Variants in NOL10 observed in about 807,000 individuals in gnomAD.
NOL10 encodes the protein nucleolar protein 10, also known as H_NH0074G24.1.
Under a neutral mutation model 103.5 loss-of-function variants are expected in NOL10, and 58 were observed. The ratio of observed to expected loss-of-function variants is 0.56; its 90% confidence interval spans 0.45 to 0.70. NOL10 has a LOEUF of 0.70. Among genes scored for constraint, NOL10 ranks in the 30% least tolerant of loss-of-function variants. NOL10 has a pLI of 0.00. For missense variants in NOL10, 763 were observed against 807.3 expected (o/e 0.95, Z 0.67); for synonymous variants, 287 against 282.5 (o/e 1.02, Z -0.16).
In NOL10 at chr2:10,606,518, G is replaced by C. The variant is rs1004404601; in HGVS notation, c.1153+667C>G. ...AGCTACTCGGGAGGTTGAGGTAGGA[G>C]AATGACTTTAGCCTAGGAAGCGGAG... On this transcript the variant is annotated intron_variant, in intron 14 of 20. Transcript: ENST00000381685. Among the ~76,000 whole-genome samples the C allele has an allele frequency of 4.1e-5, 6 of 146,976 alleles. No homozygotes were observed. The East Asian group carries it at 1.2e-3, about 30-fold the overall frequency.
At chr2:10,647,700 T>A (rs1679176181) in intron 12 of NOL10, among the ~76,000 whole-genome samples, 1 of 152,150 alleles carries the variant, frequency 6.6e-6, no homozygotes, top group African/African-American at 2.4e-5. Context: ...GAACCTCAGA[T>A]GAAAGTATGG....
Position 10,648,850 on chromosome 2 carries a change from G to A in NOL10, c.974-4478C>T, listed in dbSNP as rs150501625. Reference sequence around the variant, plus strand: ...TTTGAAAAGTCAACGTCATGGAGAAGAAAAGAAAAAGATGTGGGGGACTAT... The same window carrying A: ...TTTGAAAAGTCAACGTCATGGAGAAAAAAAGAAAAAGATGTGGGGGACTAT... On this transcript the variant is annotated intron_variant, in intron 12 of 20. Coordinates refer to ENST00000381685, the MANE Select transcript of NOL10 (RefSeq NM_024894.4). Among the ~76,000 whole-genome samples, 486 of 152,054 alleles carry A rather than the reference G, an allele frequency of 3.2e-3. 14 individuals are homozygous for A. Among genetic ancestry groups the A allele is most frequent in the Admixed American group, 0.023 (345 of 15,272 alleles).
chr2:10,683,043 A>G (rs1681892059), intron 2 of NOL10, among the ~76,000 whole-genome samples: 1 of 152,160 alleles, frequency 6.6e-6, no homozygotes, highest in African/African-American at 2.4e-5. Context: ...TGGGCCTTCC[A>G]AAGTGCTGGG....
At chr2:10,597,284 A>G (rs1301353246) in intron 17 of NOL10, among the ~76,000 whole-genome samples, 1 of 152,196 alleles carries the variant, frequency 6.6e-6, no homozygotes, top group East Asian at 1.9e-4. Context: ...TTGTGTTCTC[A>G]GTGGCAGCAA....
chr2:10,629,424 G>GA (rs367721511), intron 13 of NOL10, among the ~76,000 whole-genome samples: 16 of 151,208 alleles, frequency 1.1e-4, no homozygotes, highest in Middle Eastern at 3.4e-3. Flanking sequence ...TGTTTAGTGG[G>GA]AAAAAAAACA....
chr2:10,598,167 C>T (rs1447725044), intron 17 of NOL10, among the ~76,000 whole-genome samples: 1 of 152,138 alleles, frequency 6.6e-6, no homozygotes, highest in Non-Finnish European at 1.5e-5. Context: ...AACTCCACAG[C>T]GAGCTCTTTA....
chr2:10,684,894 ATG>A (rs1682044369), intron 1 of NOL10, among the ~76,000 whole-genome samples: 1 of 152,182 alleles, frequency 6.6e-6, no homozygotes, highest in Non-Finnish European at 1.5e-5. Flanking sequence ...CAATGATGCG[ATG>A]TGACTGTAGC....
At chr2:10,650,415 T>C (rs1679383842) in intron 12 of NOL10, among the ~76,000 whole-genome samples, 1 of 152,120 alleles carries the variant, frequency 6.6e-6, no homozygotes, top group Non-Finnish European at 1.5e-5. Flanking sequence ...TCCTCCTGCC[T>C]CAGGATTATA....
intron 17 of NOL10, among the ~76,000 whole-genome samples, chr2:10,590,205 C>G (rs1675323320): frequency 6.6e-6 from 1 of 152,154 alleles, no homozygotes; most frequent in South Asian, 2.1e-4. Context: ...CTCCTGGGCT[C>G]AAGTGATCCT....
intron 19 of NOL10, among the ~76,000 whole-genome samples, chr2:10,580,328 T>C (rs1330634443): frequency 6.6e-6 from 1 of 152,152 alleles, no homozygotes; most frequent in Non-Finnish European, 1.5e-5. Context: ...CAGAGGAGGA[T>C]GGCAGAATTG....
At chr2:10,578,420 G>C (rs1674586534) in intron 19 of NOL10, among the ~76,000 whole-genome samples, 1 of 152,182 alleles carries the variant, frequency 6.6e-6, no homozygotes, top group Non-Finnish European at 1.5e-5. Context: ...TTTCCTTTTA[G>C]TTTCTTACTT....
chr2:10,642,098 C>G (rs1678735117), intron 13 of NOL10, among the ~76,000 whole-genome samples: 1 of 152,186 alleles, frequency 6.6e-6, no homozygotes, highest in South Asian at 2.1e-4. Context: ...TAGGGGCAAG[C>G]TGATTTATTC....
chr2:10,686,208 C>T (rs144162036), intron 1 of NOL10, among the ~76,000 whole-genome samples: 35 of 152,058 alleles, frequency 2.3e-4, no homozygotes, highest in South Asian at 1.2e-3. Flanking sequence ...GAAAAGGAGA[C>T]GAAGTGTTGG....
intron 14 of NOL10, among the ~76,000 whole-genome samples, chr2:10,606,607 CAAAAAA>C (rs35623656): frequency 1.8e-5 from 2 of 111,802 alleles, no homozygotes; most frequent in African/African-American, 3.3e-5. Context: ...GACTCTGTCT[CAAAAAA>C]AAAAAAAAAA....
rs527392745 is a variant in NOL10 at position 10,654,934 on chromosome 2, G to C, written c.907-387C>G. 9.2e-5 allele frequency among the ~76,000 whole-genome samples: 14 copies of C among 152,296 alleles called. No homozygotes were observed. The East Asian group carries it at 2.5e-3, about 27-fold the overall frequency. On this transcript the variant is annotated intron_variant, in intron 11 of 20. Coordinates refer to ENST00000381685, the MANE Select transcript of NOL10 (RefSeq NM_024894.4). Reference sequence around the variant, plus strand: ...TTGAAAGAAATCGGAAGACAGCTGGGAGCAGTGGCTCACACCTGTAATACC... The same window carrying C: ...TTGAAAGAAATCGGAAGACAGCTGGCAGCAGTGGCTCACACCTGTAATACC...
chr2:10,638,036 C>A (rs534672230), intron 13 of NOL10, among the ~76,000 whole-genome samples: 3 of 152,306 alleles, frequency 2.0e-5, no homozygotes, highest in African/African-American at 7.2e-5. Context: ...AATCCCAACA[C>A]TTTGGGAGGC....
In NOL10 at chr2:10,654,871, C is replaced by A. The variant is rs1026961496; in HGVS notation, c.907-324G>T. Among the ~76,000 whole-genome samples, 4 of 152,116 alleles carry A rather than the reference C, an allele frequency of 2.6e-5. No homozygotes were observed. The South Asian group carries it at 8.3e-4, about 32-fold the overall frequency. Reference sequence around the variant, plus strand: ...TTATGCATCAACTTTAAAAAAAAATCTCTCATAATCTGTGAAGTGTACCCA... The same window carrying A: ...TTATGCATCAACTTTAAAAAAAAATATCTCATAATCTGTGAAGTGTACCCA... On this transcript the variant is annotated intron_variant, in intron 11 of 20. Transcript: ENST00000381685.
chr2:10,680,744 A>G (rs1681701321), intron 3 of NOL10, among the ~76,000 whole-genome samples: 1 of 152,332 alleles, frequency 6.6e-6, no homozygotes, highest in South Asian at 2.1e-4. Flanking sequence ...GGTATTACCA[A>G]AAAGAAAGTG....
chr2:10,686,533 T>C (rs1682221821), intron 1 of NOL10, among the ~76,000 whole-genome samples: 1 of 151,922 alleles, frequency 6.6e-6, no homozygotes, highest in African/African-American at 2.4e-5. Context: ...GAGTAGAGGA[T>C]CACCCTGGCA....
Sources: allele counts gnomAD v4.1 joint callset (sites outside exome capture counted in the v4.1 genomes callset), GRCh38; gene constraint gnomAD v4.1.1; transcripts MANE v1.5; gene names NCBI Gene and HGNC (gene_info 2026-07-23, HGNC 2026-07-21).